WAPL: variants seen among roughly 807,000 people sequenced by gnomAD.
WAPL encodes wings apart-like protein homolog.
A neutral mutation model predicts 121.0 loss-of-function variants in WAPL; 5 were observed. That is an observed-to-expected ratio of 0.04 (90% CI 0.02 to 0.09). The LOEUF is 0.09. Among genes scored for constraint, WAPL ranks in the 10% least tolerant of loss-of-function variants. WAPL has a pLI of 1.00. For missense variants in WAPL, 999 were observed against 1,410.8 expected (o/e 0.71, Z 4.68); for synonymous variants, 480 against 481.5 (o/e 1.00, Z 0.04).
At chr10:86,460,943 C>T (rs1841257210) in intron 10 of WAPL, among the ~76,000 whole-genome samples, 1 of 152,156 alleles carries the variant, frequency 6.6e-6, no homozygotes, top group South Asian at 2.1e-4. Flanking sequence ...AAACTCCCGA[C>T]CTCAGGTGAT....
intron 4 of WAPL, among the ~76,000 whole-genome samples, chr10:86,484,042 A>ATTAAAAATAATT (rs1841870167): frequency 1.3e-5 from 2 of 152,024 alleles, no homozygotes; most frequent in African/African-American, 4.8e-5. Context: ...TTAAAGTAAA[A>ATTAAAAATAATT]TTAAAAATAA....
intron 12 of WAPL, among the ~76,000 whole-genome samples, chr10:86,455,770 A>T (rs1253578011): frequency 2.6e-5 from 4 of 152,080 alleles, no homozygotes; most frequent in African/African-American, 7.2e-5. Flanking sequence ...ACAGAATAAA[A>T]GATAGAGCGT....
rs769095504 is a variant in WAPL, at chr10:86,499,749, G to A, written c.1494C>T (p.Ser498=). 3 of 1,595,358 alleles carry A rather than the reference G, an allele frequency of 1.9e-6. No individual in the cohort carries two copies. In the South Asian group the frequency reaches 3.4e-5, roughly 18 times the overall value. ...TGTTAGTACCAGACTGACTGTCCTGGGAATTATCATTGCTTTCTGGGGGAG... is the reference window on the plus strand; with the variant it reads ...TGTTAGTACCAGACTGACTGTCCTGAGAATTATCATTGCTTTCTGGGGGAG... ...LQPPPESNDN[S]QDSQSGTNNA... Residue 498 remains serine, a synonymous_variant, in exon 3 of 19, where the codon TCC becomes TCT. Transcript: ENST00000298767.
intron 12 of WAPL, among the ~76,000 whole-genome samples, chr10:86,455,785 C>T (rs938628966): frequency 2.0e-5 from 3 of 150,876 alleles, no homozygotes; most frequent in Non-Finnish European, 4.4e-5. Flanking sequence ...GAGCGTAAAT[C>T]TATAATTGTA....
chr10:86,497,094 A>G, intron 4 of WAPL, 107 bp downstream of exon 4: 1 of 934,996 alleles, frequency 1.1e-6, no homozygotes, highest in South Asian at 1.6e-5. Context: ...ATATCCTTTG[A>G]AAGACAGTTG....
At position 86,446,198 on chromosome 10, in the gene WAPL, A is replaced by G. The variant is rs149814363; in HGVS notation, c.3322+44T>C. ...TAGTTTGAAGAAAAAAACAAAATCA[A>G]ACCACTATCTTCAATTTAAATACAC... On this transcript the variant is annotated intron_variant, in intron 16 of 18. Transcript: ENST00000298767. 2.9e-5 allele frequency: 47 copies of G among 1,601,766 alleles called. No homozygotes were observed. In the African/African-American group the frequency reaches 6.0e-4, roughly 21 times the overall value.
intron 4 of WAPL, among the ~76,000 whole-genome samples, chr10:86,479,617 C>T (rs1049550925): frequency 3.9e-5 from 6 of 152,138 alleles, no homozygotes; most frequent in Non-Finnish European, 5.9e-5. Flanking sequence ...TTTATTTATA[C>T]GTTTTAAAAA....
intron 2 of WAPL, among the ~76,000 whole-genome samples, chr10:86,505,300 C>CTTTTTTTTTTT (rs531404303): frequency 0.027 from 1,193 of 44,668 alleles, 214 homozygotes; most frequent in Non-Finnish European, 0.038. Context: ...GTGCCCAACT[C>CTTTTTTTTTTT]TTTTTTTTTT....
intron 9 of WAPL, among the ~76,000 whole-genome samples, chr10:86,465,498 G>A (rs963004936): frequency 3.9e-5 from 6 of 152,118 alleles, no homozygotes; most frequent in East Asian, 1.9e-4. Context: ...GAGCCACACC[G>A]CCCAGCCTGG....
At chr10:86,518,645 T>C (rs1393183259) in intron 1 of WAPL, among the ~76,000 whole-genome samples, 3 of 152,164 alleles carry the variant, frequency 2.0e-5, no homozygotes, top group African/African-American at 7.2e-5. Flanking sequence ...GAGATGGAGG[T>C]TGCAGTGATA....
At chr10:86,462,398 A>C (rs1173741961) in intron 9 of WAPL, among the ~76,000 whole-genome samples, 7 of 148,180 alleles carry the variant, frequency 4.7e-5, no homozygotes, top group Admixed American at 1.3e-4. Flanking sequence ...AAGATCTAGA[A>C]GATTTTAATC....
intron 2 of WAPL, among the ~76,000 whole-genome samples, chr10:86,504,737 C>T (rs910328348): frequency 2.6e-5 from 4 of 151,958 alleles, no homozygotes; most frequent in Admixed American, 6.6e-5. Flanking sequence ...CTGTGGCCAG[C>T]GGTTCATTTG....
intron 9 of WAPL, among the ~76,000 whole-genome samples, 193 bp from the exon 10 acceptor site, chr10:86,461,480 A>AATGTGCTATT (rs201328006): frequency 0.035 from 5,260 of 152,338 alleles, 137 homozygotes; most frequent in Non-Finnish European, 0.046. Context: ...TCATAGAGAA[A>AATGTGCTATT]ATGTGCTATT....
At chr10:86,467,231 C>G in intron 9 of WAPL, 48 bp downstream of exon 9, 1 of 1,562,088 alleles carries the variant, frequency 6.4e-7, no homozygotes, top group Non-Finnish European at 8.8e-7. Context: ...TAACCAAAGA[C>G]TTTCTGAAAG....
At chr10:86,514,495 GAGGA>G (rs1357908831) in intron 2 of WAPL, among the ~76,000 whole-genome samples, 1 of 152,182 alleles carries the variant, frequency 6.6e-6, no homozygotes, top group African/African-American at 2.4e-5. Flanking sequence ...CTTTGTGAAG[GAGGA>G]AGGAAGATGG....
chr10:86,501,974 G>A (rs1268125527), intron 2 of WAPL, among the ~76,000 whole-genome samples: 1 of 152,188 alleles, frequency 6.6e-6, no homozygotes, highest in African/African-American at 2.4e-5. Flanking sequence ...TCACAGGCAT[G>A]AGCCACCACG....
At chr10:86,487,915 A>C (rs957792570) in intron 4 of WAPL, among the ~76,000 whole-genome samples, 5 of 152,228 alleles carry the variant, frequency 3.3e-5, no homozygotes, top group East Asian at 1.9e-4. Context: ...AACAAACAAA[A>C]AAAGAGTTAA....
intron 15 of WAPL, among the ~76,000 whole-genome samples, chr10:86,446,908 C>T (rs1318326419): frequency 6.6e-6 from 1 of 152,140 alleles, no homozygotes; most frequent in Non-Finnish European, 1.5e-5. Context: ...GCCAAGTAGA[C>T]CTCAAAGATT....
At chr10:86,465,120 A>C (rs1841368726) in intron 9 of WAPL, among the ~76,000 whole-genome samples, 1 of 152,130 alleles carries the variant, frequency 6.6e-6, no homozygotes, top group African/African-American at 2.4e-5. Flanking sequence ...CATCCTATAA[A>C]TTTTTGTGGC....
Sources: gnomAD v4.1 joint callset for allele counts (sites outside exome capture counted in the v4.1 genomes callset) on GRCh38, gnomAD v4.1.1 for gene constraint, MANE v1.5 for transcripts, NCBI Gene and HGNC (gene_info 2026-07-23, HGNC 2026-07-21) for gene names.